KATNAL2: variants seen among roughly 807,000 people sequenced by gnomAD.
KATNAL2 encodes the protein katanin p60 ATPase-containing subunit A-like 2.
A neutral mutation model predicts 76.3 loss-of-function variants in KATNAL2; 52 were observed. The ratio of observed to expected loss-of-function variants is 0.68; its 90% CI spans 0.55 to 0.86. The LOEUF is 0.86. Ranked by LOEUF, KATNAL2 falls within the 40% of genes least tolerant of loss-of-function variation. The pLI is 0.00. For synonymous variants in KATNAL2, 243 were observed against 244.2 expected (o/e 1.00, Z 0.05); for missense variants, 660 against 668.9 (o/e 0.99, Z 0.15).
At chr18:47,033,595 G>A (rs772184623) in intron 3 of KATNAL2, 3 of 1,614,090 alleles carry the variant, frequency 1.9e-6, no homozygotes, top group Non-Finnish European at 2.5e-6. Context: ...TTCCAGAACA[G>A]GTTCAAGAAC....
intron 8 of KATNAL2, among the ~76,000 whole-genome samples, chr18:47,060,364 A>G (rs2061596596): frequency 1.3e-5 from 2 of 152,086 alleles, no homozygotes; most frequent in South Asian, 4.1e-4. Context: ...CCTTGGAGGG[A>G]TGGCTCCTGG....
intron 13 of KATNAL2, among the ~76,000 whole-genome samples, chr18:47,071,683 A>G (rs2062007452): frequency 1.3e-5 from 2 of 152,114 alleles, no homozygotes; most frequent in South Asian, 4.2e-4. Context: ...ACTTACCTAG[A>G]CAGAAGAGGA....
At chr18:46,936,560 C>A (rs1030703463) in intron 1 of KATNAL2, among the ~76,000 whole-genome samples, 2 of 151,994 alleles carry the variant, frequency 1.3e-5, no homozygotes, top group African/African-American at 4.8e-5. Flanking sequence ...GGCAACATAG[C>A]GAGATTCCAT....
At chr18:47,062,346 T>G (rs1349681881) in intron 8 of KATNAL2, among the ~76,000 whole-genome samples, 1 of 150,314 alleles carries the variant, frequency 6.7e-6, no homozygotes, top group Non-Finnish European at 1.5e-5. Flanking sequence ...ATTACGCCAC[T>G]GCATAACAGA....
intron 1 of KATNAL2, among the ~76,000 whole-genome samples, chr18:46,933,246 A>G (rs1432029791): frequency 6.6e-6 from 1 of 152,226 alleles, no homozygotes; most frequent in Non-Finnish European, 1.5e-5. Context: ...TATCTGGCCA[A>G]AATCTAGATG....
chr18:47,035,361 CG>C (rs1405167424), intron 3 of KATNAL2: 6 of 1,581,748 alleles, frequency 3.8e-6, no homozygotes, highest in Non-Finnish European at 5.2e-6. Flanking sequence ...CCTCGCTGCC[CG>C]GTCGCCAGGC....
At chr18:47,092,112 G>T (rs1370042135) in intron 15 of KATNAL2, among the ~76,000 whole-genome samples, 3 of 152,078 alleles carry the variant, frequency 2.0e-5, no homozygotes, top group Non-Finnish European at 2.9e-5. Context: ...TATATTGGAG[G>T]CATAGCAATG....
At chr18:46,929,995 G>A (rs2058857185) in intron 1 of KATNAL2, among the ~76,000 whole-genome samples, 1 of 151,986 alleles carries the variant, frequency 6.6e-6, no homozygotes, top group Non-Finnish European at 1.5e-5. Context: ...GGCTGGTCTC[G>A]AACACTTGAC....
intron 15 of KATNAL2, among the ~76,000 whole-genome samples, chr18:47,091,438 T>G (rs573012576): frequency 1.3e-5 from 2 of 152,278 alleles, no homozygotes; most frequent in African/African-American, 4.8e-5. Flanking sequence ...AGTAACTAGG[T>G]TCAAAACTCA....
chr18:47,066,727 T>C (rs1310883232), intron 10 of KATNAL2, among the ~76,000 whole-genome samples: 1 of 151,250 alleles, frequency 6.6e-6, no homozygotes, highest in Non-Finnish European at 1.5e-5. Flanking sequence ...TTAGGAGATT[T>C]TTTTTTCTCT....
intron 15 of KATNAL2, among the ~76,000 whole-genome samples, chr18:47,088,719 A>T (rs995368591): frequency 6.6e-6 from 1 of 152,162 alleles, no homozygotes; most frequent in East Asian, 1.9e-4. Flanking sequence ...GTGTGCCACC[A>T]CACCCGGCTA....
Position 47,054,471 on chromosome 18 carries a change from C to T in KATNAL2, c.332+33C>T, listed in dbSNP as rs367628668. 6.4e-5 allele frequency: 103 copies of T among 1,602,076 alleles called. 1 individual carries two copies. In the African/African-American group the frequency reaches 1.0e-3, roughly 16 times the overall value. ...GAATGGTAATTCTTCTTAATCGACTCGGCTCGAGGAGCTTGTGGAATCCCT... is the reference window on the plus strand; with the variant it reads ...GAATGGTAATTCTTCTTAATCGACTTGGCTCGAGGAGCTTGTGGAATCCCT... On this transcript the variant is annotated intron_variant, in intron 6 of 17. Coordinates refer to ENST00000683218, the MANE Select transcript of KATNAL2 (RefSeq NM_001387690.1).
At chr18:47,038,546 G>C (rs995862492) in intron 3 of KATNAL2, among the ~76,000 whole-genome samples, 2 of 152,098 alleles carry the variant, frequency 1.3e-5, no homozygotes, top group African/African-American at 4.8e-5. Context: ...GAGTGATATT[G>C]CTGGGTCGAC....
chr18:47,083,897 A>G (rs1266799081), intron 15 of KATNAL2, among the ~76,000 whole-genome samples: 2 of 152,196 alleles, frequency 1.3e-5, no homozygotes, highest in Admixed American at 6.5e-5. Flanking sequence ...AGGTGTGAAG[A>G]CTAAATATAT....
intron 1 of KATNAL2, among the ~76,000 whole-genome samples, chr18:46,931,576 T>C (rs1330469716): frequency 6.6e-6 from 1 of 150,584 alleles, no homozygotes; most frequent in Admixed American, 6.6e-5. Context: ...TCACTTGAAT[T>C]CAGGAGGCGG....
intron 15 of KATNAL2, among the ~76,000 whole-genome samples, chr18:47,089,776 T>C (rs2062921053): frequency 6.6e-6 from 1 of 152,336 alleles, no homozygotes; most frequent in Non-Finnish European, 1.5e-5. Context: ...ATGATGATTA[T>C]AAAATGCTAA....
rs769097311 is a variant in KATNAL2 at position 47,063,486 on chromosome 18, G to T, written c.726+125G>T. The T allele has an allele frequency of 9.2e-6, 6 of 653,768 alleles. No homozygotes were observed. The South Asian group carries it at 1.0e-4, about 11-fold the overall frequency. The allele number at this position is 653,768 out of a possible 1,614,324, so 40.5% of individuals were successfully genotyped here. On this transcript the variant is annotated intron_variant, in intron 10 of 17. Transcript: ENST00000683218. The stretch of plus-strand genomic sequence containing the variant: ...TTATTTATAAAGTGCCCCCACTTGC[G>T]CAGGCACTCATATTGTTTAGAGGCA...
At chr18:46,947,526 A>G (rs2059417837) in intron 3 of KATNAL2, among the ~76,000 whole-genome samples, 1 of 151,830 alleles carries the variant, frequency 6.6e-6, no homozygotes, top group Non-Finnish European at 1.5e-5. Flanking sequence ...AGCGATGAAC[A>G]TGAATTGAGG....
At chr18:47,099,485 C>T in intron 16 of KATNAL2, 80 bp downstream of exon 16, 1 of 1,343,614 alleles carries the variant, frequency 7.4e-7, no homozygotes, top group Non-Finnish European at 1.0e-6. Flanking sequence ...TTACCATGAG[C>T]TGATAGAAGC....
Sources: allele counts gnomAD v4.1 joint callset (sites outside exome capture counted in the v4.1 genomes callset), GRCh38; gene constraint gnomAD v4.1.1; transcripts MANE v1.5; gene names NCBI Gene and HGNC (gene_info 2026-07-23, HGNC 2026-07-21).